Variants in SEMA6D observed in about 807,000 individuals in gnomAD.
The protein encoded by SEMA6D is semaphorin 6D.
In SEMA6D, 35 loss-of-function variants were observed where a neutral mutation model predicts 106.6. That is an observed-to-expected ratio of 0.33 (90% CI 0.25 to 0.44). SEMA6D has a LOEUF of 0.44. SEMA6D is among the 20% of genes least tolerant of loss of function. The pLI is 1.00. For synonymous variants in SEMA6D, 499 were observed against 487.7 expected (o/e 1.02, Z -0.31); for missense variants, 1,185 against 1,345.9 (o/e 0.88, Z 1.87).
chr15:47,603,729 C>T (rs1401027334), intron 4 of SEMA6D, among the ~76,000 whole-genome samples: 1 of 151,968 alleles, frequency 6.6e-6, no homozygotes, highest in Non-Finnish European at 1.5e-5. Context: ...TCCCCCTCGC[C>T]CCGATTATTT....
At chr15:47,587,726 A>G (rs1466735626) in intron 3 of SEMA6D, among the ~76,000 whole-genome samples, 2 of 152,188 alleles carry the variant, frequency 1.3e-5, no homozygotes, top group African/African-American at 4.8e-5. Context: ...TTATTTATAA[A>G]AACAGGTGGT....
At chr15:47,529,770 G>C (rs2044892397) in intron 3 of SEMA6D, among the ~76,000 whole-genome samples, 1 of 152,138 alleles carries the variant, frequency 6.6e-6, no homozygotes, top group Admixed American at 6.6e-5. Context: ...AGATGTTAGG[G>C]ATTCAGGGAA....
chr15:47,678,493 A>G (rs1422726027), intron 4 of SEMA6D, among the ~76,000 whole-genome samples: 1 of 152,148 alleles, frequency 6.6e-6, no homozygotes, highest in Admixed American at 6.5e-5. Context: ...TGATCCTTAC[A>G]TCAACACTAT....
At chr15:47,544,018 A>C (rs562705984) in intron 3 of SEMA6D, among the ~76,000 whole-genome samples, 8 of 152,266 alleles carry the variant, frequency 5.3e-5, no homozygotes, top group Non-Finnish European at 1.0e-4. Flanking sequence ...TTTCCTATTC[A>C]TCTCCAATAA....
chr15:47,281,845 A>C (rs1182837966), intron 1 of SEMA6D, among the ~76,000 whole-genome samples: 1 of 151,960 alleles, frequency 6.6e-6, no homozygotes, highest in Non-Finnish European at 1.5e-5. Context: ...ATTATTTTTC[A>C]TTTCTTTATA....
upstream of SEMA6D, chr15:47,717,260 CG>C (rs1428801743): frequency 1.3e-5 from 2 of 152,184 alleles, no homozygotes; most frequent in Admixed American, 1.3e-4. Context: ...CGGAGGCCAC[CG>C]AGGGGTCAGC....
At chr15:47,572,989 GA>G (rs565059502) in intron 3 of SEMA6D, among the ~76,000 whole-genome samples, 4 of 151,544 alleles carry the variant, frequency 2.6e-5, no homozygotes, top group African/African-American at 9.7e-5. Flanking sequence ...CTTGACACTT[GA>G]AAAAAAAGTT....
intron 1 of SEMA6D, among the ~76,000 whole-genome samples, chr15:47,753,466 A>G (rs994948006): frequency 6.6e-6 from 1 of 152,344 alleles, no homozygotes; most frequent in Non-Finnish European, 1.5e-5. Flanking sequence ...AATGGACATG[A>G]TTGACCATTG....
chr15:47,707,713 TGTA>T (rs1174402190), intron 4 of SEMA6D, among the ~76,000 whole-genome samples: 2 of 152,208 alleles, frequency 1.3e-5, no homozygotes. Context: ...ATGTGGCTCA[TGTA>T]GATTTTGGTA....
At chr15:47,360,375 A>G (rs1018684211) in intron 1 of SEMA6D, among the ~76,000 whole-genome samples, 3 of 152,250 alleles carry the variant, frequency 2.0e-5, no homozygotes, top group African/African-American at 2.4e-5. Context: ...ATGCTCTCCA[A>G]TGCATTAACT....
chr15:47,636,255 C>T (rs1024576302), intron 4 of SEMA6D, among the ~76,000 whole-genome samples: 5 of 152,112 alleles, frequency 3.3e-5, no homozygotes, highest in East Asian at 1.9e-4. Context: ...TTTAAAAGTA[C>T]GCAAATAGAA....
chr15:47,741,089 C>T (rs572216862), intron 1 of SEMA6D, among the ~76,000 whole-genome samples: 2 of 152,312 alleles, frequency 1.3e-5, no homozygotes, highest in South Asian at 4.2e-4. Flanking sequence ...AGCTAAAAAA[C>T]TCTGACAGTA....
At chr15:47,504,711 A>G (rs1474024209) in intron 3 of SEMA6D, among the ~76,000 whole-genome samples, 1 of 152,106 alleles carries the variant, frequency 6.6e-6, no homozygotes, top group African/African-American at 2.4e-5. Flanking sequence ...TGCACCCACC[A>G]CACACACAAA....
chr15:47,736,714 A>C (rs2080467745), intron 1 of SEMA6D, among the ~76,000 whole-genome samples: 1 of 152,196 alleles, frequency 6.6e-6, no homozygotes, highest in African/African-American at 2.4e-5. Context: ...TTCCCTGTGC[A>C]TGTTTTAGAG....
chr15:47,624,620 G>A (rs566548174), intron 4 of SEMA6D, among the ~76,000 whole-genome samples: 20 of 152,308 alleles, frequency 1.3e-4, no homozygotes, highest in South Asian at 4.1e-4. Flanking sequence ...CACAAATCTT[G>A]TAACACAAAT....
chr15:47,364,565 T>A (rs2038940308), intron 1 of SEMA6D, among the ~76,000 whole-genome samples: 1 of 152,228 alleles, frequency 6.6e-6, no homozygotes, highest in Non-Finnish European at 1.5e-5. Context: ...TAGCTGTGAT[T>A]TGTTTTCTAT....
intron 1 of SEMA6D, among the ~76,000 whole-genome samples, chr15:47,346,820 C>T (rs2038064636): frequency 6.6e-6 from 1 of 152,056 alleles, no homozygotes; most frequent in Non-Finnish European, 1.5e-5. Context: ...CTAACTCTGG[C>T]AGAGAACTGA....
At chr15:47,521,622 G>C (rs542782198) in intron 3 of SEMA6D, among the ~76,000 whole-genome samples, 2 of 152,140 alleles carry the variant, frequency 1.3e-5, no homozygotes, top group East Asian at 3.9e-4. Context: ...AATCTCCTTA[G>C]AACAGTGGGC....
rs183176032 is a variant in SEMA6D at position 47,570,010 on chromosome 15, G to A, written c.-86-30855G>A. On this transcript the variant is annotated intron_variant, in intron 3 of 19. Transcript: ENST00000558014. ...TGGGAGGCAGAGATTGCAGTGACCCGAGATCGCACCACTGCACTCCCAGCC... is the reference window on the plus strand; with the variant it reads ...TGGGAGGCAGAGATTGCAGTGACCCAAGATCGCACCACTGCACTCCCAGCC... Among the ~76,000 whole-genome samples the A allele has an allele frequency of 1.8e-3, 267 of 150,054 alleles. 1 individual carries two copies. The highest frequency in any genetic ancestry group is 6.3e-3 in the African/African-American group (259 of 40,980).
Sources: allele counts gnomAD v4.1 joint callset (sites outside exome capture counted in the v4.1 genomes callset), GRCh38; gene constraint gnomAD v4.1.1; transcripts MANE v1.5; gene names NCBI Gene and HGNC (gene_info 2026-07-23, HGNC 2026-07-21).